Variants in TBX19 observed in about 807,000 individuals in gnomAD.
TBX19 encodes T-box transcription factor 19, also known as T-box transcription factor TBX19.
TBX19 carries 33 observed loss-of-function variants against 40.9 expected under a neutral mutation model. The observed-to-expected ratio is 0.81, with a 90% confidence interval of 0.61 to 1.08. The LOEUF is 1.08. Ranked by LOEUF, TBX19 falls within the 50% of genes least tolerant of loss-of-function variation. TBX19 has a pLI of 0.00. For missense variants in TBX19, 494 were observed against 574.0 expected (o/e 0.86, Z 1.42); for synonymous variants, 220 against 225.0 (o/e 0.98, Z 0.20).
intron 7 of TBX19, among the ~76,000 whole-genome samples, chr1:168,309,288 G>A (rs922884804): frequency 2.0e-5 from 3 of 152,234 alleles, no homozygotes; most frequent in East Asian, 1.9e-4. Context: ...CAGGAGAATC[G>A]CTTGAACCCA....
rs56254560 is a variant in TBX19 at position 168,281,844 on chromosome 1, T to C, written c.203+551T>C. 8.4e-3 allele frequency among the ~76,000 whole-genome samples: 1,278 copies of C among 152,352 alleles called. 17 individuals carry two copies. Among genetic ancestry groups the C allele is most frequent in the African/African-American group, 0.029 (1,211 of 41,580 alleles). The stretch of plus-strand genomic sequence containing the variant: ...CATTTGAGATTGTGTGTGTTTGTGA[T>C]GATATGAAAGCTGTTGCAGTAATAG... On this transcript the variant is annotated intron_variant, in intron 1 of 7. Transcript: ENST00000367821.
Position 168,280,890 on chromosome 1 carries a change from A to C in TBX19, c.-201A>C. ...TCCCCTGCCTCCACCCCGCTCCCCA[A>C]CTAAAGCTTAACAGGTTGGTGGCAT... is the stretch of plus-strand genomic sequence containing the variant. On this transcript the variant is annotated 5_prime_UTR_variant, in exon 1 of 8. Coordinates refer to ENST00000367821, the MANE Select transcript of TBX19 (RefSeq NM_005149.3). 1.6e-6 allele frequency: 1 copy of C among 617,010 alleles called. No individual in the cohort carries two copies. The allele number at this position is 617,010 out of a possible 1,614,324, so 38.2% of individuals were successfully genotyped here. A position where few individuals can be genotyped will look rare whatever the true frequency, so the allele number is the denominator to read the frequency against.
chr1:168,300,143 A>G (rs1374972273), intron 4 of TBX19, among the ~76,000 whole-genome samples: 1 of 152,080 alleles, frequency 6.6e-6, no homozygotes, highest in African/African-American at 2.4e-5. Flanking sequence ...GTCAGTCAGG[A>G]GCAATATCCC....
intron 2 of TBX19, among the ~76,000 whole-genome samples, chr1:168,292,590 C>T (rs143166002): frequency 5.3e-4 from 80 of 152,338 alleles, no homozygotes; most frequent in Non-Finnish European, 6.0e-4. Flanking sequence ...CTCAGCCGGG[C>T]GCGGTGGCTC....
At chr1:168,298,168 C>G (rs1649164050) in intron 4 of TBX19, among the ~76,000 whole-genome samples, 2 of 152,176 alleles carry the variant, frequency 1.3e-5, no homozygotes, top group South Asian at 4.1e-4. Context: ...TGCATTCCAG[C>G]CTGGGCGACA....
chr1:168,299,120 A>G (rs1459995689), intron 4 of TBX19, among the ~76,000 whole-genome samples: 1 of 151,324 alleles, frequency 6.6e-6, no homozygotes, highest in Admixed American at 6.6e-5. Flanking sequence ...GGGTTTTGCC[A>G]TGTTGGCCAG....
At chr1:168,292,332 G>C (rs965008139) in intron 2 of TBX19, among the ~76,000 whole-genome samples, 1 of 152,216 alleles carries the variant, frequency 6.6e-6, no homozygotes, top group African/African-American at 2.4e-5. Flanking sequence ...CACAGCAGGA[G>C]ACTGTCATTA....
At chr1:168,307,055 G>C (rs1391779194) in intron 6 of TBX19, among the ~76,000 whole-genome samples, 1 of 152,126 alleles carries the variant, frequency 6.6e-6, no homozygotes, top group Non-Finnish European at 1.5e-5. Flanking sequence ...AGAGAGAGTG[G>C]GCTGAGCAAA....
At chr1:168,283,885 C>T (rs566136543) in intron 1 of TBX19, among the ~76,000 whole-genome samples, 1 of 152,256 alleles carries the variant, frequency 6.6e-6, no homozygotes, top group South Asian at 2.1e-4. Flanking sequence ...ACTAAAATAG[C>T]AAATCTTGAA....
In TBX19 at chr1:168,281,124, A is replaced by C; in HGVS notation, c.34A>C (p.Ser12Arg). Residue 12 changes from serine to arginine, a missense_variant, in exon 1 of 8, where the codon AGC (serine) becomes CGC (arginine). Ser to Arg is a moderately radical substitution (Grantham distance 110). Transcript: ENST00000367821. Reference protein sequence around the residue: ...AMSELGTRKPSDGTVSHLLNV... With the variant: ...AMSELGTRKPRDGTVSHLLNV... ...GAGTGAGCTGGGCACTCGGAAGCCC[A>C]GCGATGGCACTGTTTCTCATCTGCT... The C allele has an allele frequency of 6.2e-7, 1 of 1,614,194 alleles. No individual in the cohort carries two copies. Among genetic ancestry groups the C allele is most frequent in the Non-Finnish European group, 8.5e-7 (1 of 1,180,022 alleles).
intron 1 of TBX19, among the ~76,000 whole-genome samples, chr1:168,289,922 G>A (rs754032594): frequency 6.6e-6 from 1 of 152,162 alleles, no homozygotes; most frequent in Non-Finnish European, 1.5e-5. Flanking sequence ...GGCCAAGCAT[G>A]GTGGCTCACA....
chr1:168,310,398 A>G (rs1031769013), intron 7 of TBX19, among the ~76,000 whole-genome samples: 3 of 152,068 alleles, frequency 2.0e-5, no homozygotes, highest in Non-Finnish European at 4.4e-5. Flanking sequence ...GTGGCTTAGA[A>G]TCACCTGGGG....
chr1:168,293,918 A>T (rs545836321), intron 3 of TBX19, among the ~76,000 whole-genome samples: 36 of 152,292 alleles, frequency 2.4e-4, no homozygotes, highest in African/African-American at 7.9e-4. Flanking sequence ...AAAATTTTTT[A>T]AAGACAATAT....
intron 1 of TBX19, among the ~76,000 whole-genome samples, chr1:168,283,829 C>T (rs961172407): frequency 1.3e-5 from 2 of 152,192 alleles, no homozygotes; most frequent in African/African-American, 4.8e-5. Context: ...AAAAAAGCAT[C>T]ATTTGGGGTG....
Position 168,297,778 on chromosome 1 carries a change from A to C in TBX19, c.658A>C (p.Lys220Gln), listed in dbSNP as rs542878204. The C allele has an allele frequency of 6.2e-7, 1 of 1,613,596 alleles. No homozygotes were observed. Among genetic ancestry groups the C allele is most frequent in the South Asian group, 1.1e-5 (1 of 91,054 alleles). ...TTTTGCCAAAGCCTTCTTGGATGCC[A>C]AGGAAAGGTAAGTAAAGAAATTTTA... Reference protein sequence around the residue: ...NPFAKAFLDAKERNHLRDVPE... With the variant: ...NPFAKAFLDAQERNHLRDVPE... The change falls in exon 4 of 8, where the codon AAG becomes CAG. Residue 220 changes from lysine to glutamine, a missense_variant. By Grantham distance (53) the Lys-to-Gln change is moderately conservative. Transcript: ENST00000367821.
At chr1:168,304,231 T>C (rs547558091) in intron 5 of TBX19, among the ~76,000 whole-genome samples, 15 of 152,342 alleles carry the variant, frequency 9.8e-5, no homozygotes, top group Non-Finnish European at 1.5e-4. Context: ...CAAAAACTTG[T>C]AGGTTAGGTT....
chr1:168,295,761 G>C (rs1490292195), intron 3 of TBX19, among the ~76,000 whole-genome samples: 2 of 152,154 alleles, frequency 1.3e-5, no homozygotes, highest in Non-Finnish European at 2.9e-5. Context: ...GAAACGGGGT[G>C]GTGGGGGGTG....
chr1:168,282,214 C>T (rs1463045752), intron 1 of TBX19, among the ~76,000 whole-genome samples: 1 of 152,138 alleles, frequency 6.6e-6, no homozygotes, highest in Non-Finnish European at 1.5e-5. Flanking sequence ...ATGACACCCT[C>T]GAGAGAATTC....
At chr1:168,288,565 A>G (rs1045207468) in intron 1 of TBX19, among the ~76,000 whole-genome samples, 3 of 152,212 alleles carry the variant, frequency 2.0e-5, no homozygotes, top group Admixed American at 1.3e-4. Context: ...TCTCGCCTTA[A>G]GTCATTTCTT....
Sources: gnomAD v4.1 joint callset for allele counts (sites outside exome capture counted in the v4.1 genomes callset) on GRCh38, gnomAD v4.1.1 for gene constraint, MANE v1.5 for transcripts, NCBI Gene and HGNC (gene_info 2026-07-23, HGNC 2026-07-21) for gene names.